The following IFI16 variants were observed in gnomAD, a reference collection of about 807,000 sequenced individuals.
IFI16 encodes the protein gamma-interferon-inducible protein 16.
Under a neutral mutation model 68.4 loss-of-function variants are expected in IFI16, and 49 were observed. The observed-to-expected ratio is 0.72, with a 90% CI of 0.57 to 0.91. IFI16 has a LOEUF of 0.91. IFI16 is among the 40% of genes least tolerant of loss of function. The pLI is 0.00. For missense variants in IFI16, 878 were observed against 942.9 expected (o/e 0.93, Z 0.90); for synonymous variants, 307 against 315.0 (o/e 0.97, Z 0.27).
At chr1:159,002,174 A>G (rs1374923414), upstream of IFI16, among the ~76,000 whole-genome samples, 1 of 152,172 alleles carries the variant, frequency 6.6e-6, no homozygotes, top group Non-Finnish European at 1.5e-5. Flanking sequence ...AGGTGGCATG[A>G]GTTACCTGGA....
At chr1:159,041,603 T>C (rs920964138) in intron 7 of IFI16, among the ~76,000 whole-genome samples, 2 of 152,188 alleles carry the variant, frequency 1.3e-5, no homozygotes, top group Admixed American at 6.5e-5. Context: ...GGAAGAGTTA[T>C]CTACCAGAAA....
Position 159,045,392 on chromosome 1 carries a change from A to AG in IFI16, c.1427dup (p.Ala478SerfsTer2). The AG allele has an allele frequency of 6.3e-7, 1 of 1,591,382 alleles. No homozygotes were observed. On this transcript the variant is annotated frameshift_variant, in exon 8 of 12. Coordinates refer to ENST00000295809, the MANE Select transcript of IFI16 (RefSeq NM_001376587.1). LOFTEE classifies it high-confidence loss of function. ...TTCCAGGACCGTTCATGACCAGCAT[A>AG]GGCCCAGCTGAGAGCCATCCCCACA... is the stretch of plus-strand genomic sequence containing the variant.
At chr1:159,008,768 G>A (rs114250520), upstream of IFI16, among the ~76,000 whole-genome samples, 517 of 152,198 alleles carry the variant, frequency 3.4e-3, 6 homozygotes, top group African/African-American at 0.011. Context: ...GCTTTTTCTT[G>A]ACTTACTCCT....
chr1:159,015,764 A>G, intron 2 of IFI16, 108 bp from the exon 3 acceptor site: 1 of 780,402 alleles, frequency 1.3e-6, no homozygotes. Context: ...TGAACCCTCA[A>G]GCAGGAACTG....
chr1:159,010,441 A>G (rs939596488), intron 1 of IFI16, among the ~76,000 whole-genome samples: 2 of 152,254 alleles, frequency 1.3e-5, no homozygotes, highest in African/African-American at 4.8e-5. Context: ...GTATACTGGC[A>G]TAAGTTGGTA....
upstream of IFI16, among the ~76,000 whole-genome samples, chr1:159,007,265 C>T (rs1652295069): frequency 6.6e-6 from 1 of 152,126 alleles, no homozygotes; most frequent in South Asian, 2.1e-4. Context: ...GTCTTAACAG[C>T]AAAGGTCCAG....
chr1:159,024,944 G>A (rs1653558231), intron 6 of IFI16, among the ~76,000 whole-genome samples: 1 of 151,790 alleles, frequency 6.6e-6, no homozygotes, highest in Admixed American at 6.6e-5. Context: ...CTGTGCGGAC[G>A]GCGGTCTCAG....
chr1:159,014,153 A>G (rs1306445173), intron 1 of IFI16, among the ~76,000 whole-genome samples: 2 of 152,204 alleles, frequency 1.3e-5, no homozygotes, highest in Non-Finnish European at 2.9e-5. Flanking sequence ...ATGAAAGCCA[A>G]CTAGGGAAGA....
At chr1:159,034,953 A>G (rs1471515067) in intron 7 of IFI16, among the ~76,000 whole-genome samples, 2 of 152,210 alleles carry the variant, frequency 1.3e-5, no homozygotes, top group East Asian at 3.8e-4. Context: ...TGACCCTTGT[A>G]GTCACCTGCA....
upstream of IFI16, among the ~76,000 whole-genome samples, chr1:159,003,669 A>G (rs2101772977): frequency 1.3e-5 from 2 of 151,792 alleles, no homozygotes; most frequent in East Asian, 3.9e-4. Context: ...TATTATTATT[A>G]TTATGTTTTG....
rs372449487 is a variant in IFI16, at chr1:159,054,919, C to T, written c.*18C>T. 4.6e-5 allele frequency: 66 copies of T among 1,446,594 alleles called. No homozygotes were observed. The highest frequency in any genetic ancestry group is 5.3e-5 in the Non-Finnish European group (55 of 1,033,082). 89.6% of individuals were successfully genotyped at this position (1,446,594 alleles called of 1,614,324 possible). A position where few individuals can be genotyped will look rare whatever the true frequency, so the allele number is the denominator to read the frequency against. On this transcript the variant is annotated 3_prime_UTR_variant, in exon 12 of 12. Transcript: ENST00000295809. ...TCTTCTAAAATCTGGATGTCATTGA[C>T]GATAATGTTTATGGAGATAAGGTCT...
intron 7 of IFI16, among the ~76,000 whole-genome samples, chr1:159,040,979 G>A (rs1654599269): frequency 6.6e-6 from 1 of 152,198 alleles, no homozygotes; most frequent in South Asian, 2.1e-4. Context: ...TCAGGCTTGG[G>A]TTTGTTTAAT....
chr1:159,025,181 C>T (rs536312012), intron 6 of IFI16, among the ~76,000 whole-genome samples: 7 of 152,238 alleles, frequency 4.6e-5, no homozygotes, highest in Admixed American at 2.0e-4. Context: ...TGACGCCTCC[C>T]GCTCCATTCC....
chr1:159,018,831 T>C (rs1172721929), intron 5 of IFI16, among the ~76,000 whole-genome samples, 180 bp downstream of exon 5: 1 of 152,162 alleles, frequency 6.6e-6, no homozygotes, highest in Non-Finnish European at 1.5e-5. Flanking sequence ...CCTGTTAATA[T>C]TTCTTTCCCA....
chr1:159,020,055 C>G (rs572192076), intron 5 of IFI16, among the ~76,000 whole-genome samples: 57 of 152,274 alleles, frequency 3.7e-4, no homozygotes, highest in African/African-American at 1.3e-3. Context: ...TCCTCTGTAT[C>G]AAGGTGCTTT....
chr1:159,016,753 G>T (rs1461772295), intron 4 of IFI16, 53 bp downstream of exon 4: 1 of 1,493,146 alleles, frequency 6.7e-7, no homozygotes, highest in African/African-American at 1.4e-5. Flanking sequence ...CAAAGTAAAG[G>T]ACTGATTTCA....
At chr1:159,039,434 C>G (rs1654495354) in intron 7 of IFI16, among the ~76,000 whole-genome samples, 1 of 152,170 alleles carries the variant, frequency 6.6e-6, no homozygotes, top group Admixed American at 6.5e-5. Context: ...ACCTGTGCCT[C>G]CCGGGTTCAG....
rs202210503 is a variant in IFI16, at chr1:159,018,282, A to G, written c.603A>G (p.Gln201=). The G allele has an allele frequency of 6.9e-5, 111 of 1,614,046 alleles. No homozygotes were observed. Among genetic ancestry groups the G allele is most frequent in the Non-Finnish European group, 9.1e-5 (107 of 1,179,998 alleles). ...CQVTPRRNVL[Q]KRPVIVKVLS... is the part of the protein sequence containing the mutation. ...TAACTCCCAGAAGAAATGTTCTCCA[A>G]AAACGCCCAGTGATAGTGAAGGTAC... The change falls in exon 5 of 12, where the codon CAA becomes CAG. Residue 201 remains glutamine (Q), a synonymous_variant. Transcript: ENST00000295809.
At chr1:159,025,084 C>T (rs1653571000) in intron 6 of IFI16, among the ~76,000 whole-genome samples, 1 of 151,814 alleles carries the variant, frequency 6.6e-6, no homozygotes, top group Non-Finnish European at 1.5e-5. Context: ...GGTACCTGTG[C>T]TAAAAGACTT....
Sources: gnomAD v4.1 joint callset for allele counts (sites outside exome capture counted in the v4.1 genomes callset) on GRCh38, gnomAD v4.1.1 for gene constraint, MANE v1.5 for transcripts, NCBI Gene and HGNC (gene_info 2026-07-23, HGNC 2026-07-21) for gene names.